The following FAM91A1 variants were observed in gnomAD, a reference collection of about 807,000 sequenced individuals.
The protein encoded by FAM91A1 is family with sequence similarity 91 member A1.
A neutral mutation model predicts 113.5 loss-of-function variants in FAM91A1; 41 were observed. The ratio of observed to expected loss-of-function variants is 0.36; its 90% CI spans 0.28 to 0.47. The LOEUF (loss-of-function observed/expected upper bound fraction) is 0.47, where lower values mean the gene tolerates loss of function less well. Ranked by LOEUF, FAM91A1 falls within the 20% of genes least tolerant of loss-of-function variation. The pLI is 1.00. For synonymous variants in FAM91A1, 307 were observed against 347.9 expected (o/e 0.88, Z 1.31); for missense variants, 696 against 1,001.2 (o/e 0.70, Z 4.11).
chr8:123,805,003 G>A (rs945376330), intron 18 of FAM91A1, among the ~76,000 whole-genome samples: 5 of 152,090 alleles, frequency 3.3e-5, no homozygotes, highest in African/African-American at 1.2e-4. Context: ...CTCTTCACTT[G>A]GCTAACACCT....
chr8:123,805,166 A>G, intron 18 of FAM91A1, 101 bp from the exon 19 acceptor site: 1 of 890,508 alleles, frequency 1.1e-6, no homozygotes. Context: ...AGGTATTAAT[A>G]TGGAATATAC....
intron 10 of FAM91A1, 66 bp from the exon 11 acceptor site, chr8:123,785,563 C>T: frequency 1.8e-6 from 2 of 1,087,302 alleles, no homozygotes; most frequent in Non-Finnish European, 1.4e-6. Flanking sequence ...ACTATTTTTT[C>T]TCTACAAATA....
At chr8:123,808,411 C>T (rs1455033528) in intron 21 of FAM91A1, 35 bp downstream of exon 21, 2 of 1,555,456 alleles carry the variant, frequency 1.3e-6, no homozygotes, top group Admixed American at 3.5e-5. Context: ...TTTTATTAGA[C>T]TAATTTCTGA....
At position 123,768,575 on chromosome 8, in the gene FAM91A1, C is replaced by G. The variant is rs574564231; in HGVS notation, c.-128C>G. The G allele has an allele frequency of 6.5e-6, 5 of 771,172 alleles. No individual in the cohort carries two copies. In the African/African-American group the frequency reaches 9.4e-5, roughly 14 times the overall value. The allele number at this position is 771,172 out of a possible 1,614,324, so 47.8% of individuals were successfully genotyped here. A position where few individuals can be genotyped will look rare whatever the true frequency, so the allele number is the denominator to read the frequency against. On this transcript the variant is annotated 5_prime_UTR_variant, in exon 1 of 24. Transcript: ENST00000334705. Reference sequence around the variant, plus strand: ...TCGGGAGCCTAGGCCATGGGGCAGCCTGGGCCTTCTGCAGTGTGAGGCGCG... The same window carrying G: ...TCGGGAGCCTAGGCCATGGGGCAGCGTGGGCCTTCTGCAGTGTGAGGCGCG...
rs1029348634 is a variant in FAM91A1 at position 123,791,735 on chromosome 8, A to C, written c.1411+1990A>C. 3.9e-5 allele frequency among the ~76,000 whole-genome samples: 6 copies of C among 152,308 alleles called. No individual in the cohort carries two copies. The East Asian group carries it at 1.2e-3, about 29-fold the overall frequency. On this transcript the variant is annotated intron_variant, in intron 15 of 23. Transcript: ENST00000334705. Reference sequence around the variant, plus strand: ...CTCAGTTTTTCTAATGATGGTGCACATTAGTACCGTTCTCAATGCATGAAA... The same window carrying C: ...CTCAGTTTTTCTAATGATGGTGCACCTTAGTACCGTTCTCAATGCATGAAA...
chr8:123,781,075 G>GT (rs942223690), intron 8 of FAM91A1, among the ~76,000 whole-genome samples: 8 of 152,106 alleles, frequency 5.3e-5, no homozygotes, highest in African/African-American at 1.7e-4. Context: ...ATTATTTCCA[G>GT]TTTTTTTGCC....
chr8:123,809,458 A>G (rs1815896688), intron 22 of FAM91A1, among the ~76,000 whole-genome samples: 2 of 152,302 alleles, frequency 1.3e-5, no homozygotes, highest in South Asian at 2.1e-4. Flanking sequence ...TTCACTTTCT[A>G]CATTTTCTAA....
chr8:123,794,516 T>TA (rs1419475907), intron 15 of FAM91A1, among the ~76,000 whole-genome samples: 2 of 152,242 alleles, frequency 1.3e-5, no homozygotes, highest in African/African-American at 2.4e-5. Context: ...GTACATATGG[T>TA]ACTACTGTAA....
intron 10 of FAM91A1, 33 bp downstream of exon 10, chr8:123,785,152 G>A (rs1485836949): frequency 2.6e-6 from 4 of 1,530,292 alleles, no homozygotes; most frequent in Non-Finnish European, 3.5e-6. Context: ...TACTGGTGAT[G>A]TGATAACTGA....
intron 6 of FAM91A1, 63 bp from the exon 7 acceptor site, chr8:123,779,922 C>A: frequency 7.4e-7 from 1 of 1,350,926 alleles, no homozygotes; most frequent in Non-Finnish European, 1.0e-6. Flanking sequence ...AAATAAATTT[C>A]AGGAGACTTG....
chr8:123,777,266 A>G lies in FAM91A1; in HGVS notation c.311A>G (p.Asp104Gly). The change falls in exon 4 of 24, where the codon GAT becomes GGT. Residue 104 changes from aspartate to glycine, a missense_variant and splice_region_variant. Transcript: ENST00000334705. ...PFSYYTGIME[D>G]IMNSEKSYDS... ...TTTAAATTTTTTTCTTTTTAAAAGG[A>G]TATTATGAACAGTGAGAAAAGTTAT... 6.2e-7 allele frequency: 1 copy of G among 1,601,138 alleles called. No individual in the cohort carries two copies. Among genetic ancestry groups the G allele is most frequent in the Non-Finnish European group, 8.5e-7 (1 of 1,173,498 alleles).
intron 4 of FAM91A1, 97 bp downstream of exon 4, chr8:123,777,419 A>G: frequency 8.9e-7 from 1 of 1,127,290 alleles, no homozygotes. Flanking sequence ...TTAACCTGAA[A>G]TATGTGAAAA....
At position 123,813,707 on chromosome 8, in the gene FAM91A1, T is replaced by G. The variant is rs1816010323; in HGVS notation, c.*1003T>G. On this transcript the variant is annotated 3_prime_UTR_variant, in exon 24 of 24. Transcript: ENST00000334705. ...AATGATAAAGAAAAATGGAATTACT[T>G]CAAAGTGTTTCTTGAGTCATTGATT... 6.6e-6 allele frequency: 1 copy of G among 152,284 alleles called. No individual in the cohort carries two copies. The highest frequency in any genetic ancestry group is 6.5e-5 in the Admixed American group (1 of 15,276). The allele number at this position is 152,284 out of a possible 1,614,324, so 9.4% of individuals were successfully genotyped here.
intron 1 of FAM91A1, among the ~76,000 whole-genome samples, chr8:123,773,282 C>T (rs1004635514): frequency 4.6e-5 from 7 of 152,146 alleles, no homozygotes; most frequent in Non-Finnish European, 8.8e-5. Context: ...GAACTAAATC[C>T]TCTGATCTTT....
rs761982236 is a variant in FAM91A1, at chr8:123,789,758, T to C, written c.1411+13T>C. 2 of 1,604,938 alleles carry C rather than the reference T, an allele frequency of 1.2e-6. No individual in the cohort carries two copies. The highest frequency in any genetic ancestry group is 1.7e-6 in the Non-Finnish European group (2 of 1,175,464). Reference sequence around the variant, plus strand: ...CAACCCAATTATGGTATGATAAATATATTTAATTTTGAAGACATGATCATA... The same window carrying C: ...CAACCCAATTATGGTATGATAAATACATTTAATTTTGAAGACATGATCATA... On this transcript the variant is annotated intron_variant, in intron 15 of 23. Transcript: ENST00000334705.
Position 123,812,694 on chromosome 8 carries a change from A to C in FAM91A1, c.2507A>C (p.His836Pro). ...TCCTCACTTCTTATTGCTAATCTCC[A>C]TTTGCAATAATTTGGTTACACCATT... is the stretch of plus-strand genomic sequence containing the variant. Reference protein sequence around the residue: ...SPSSLLIANLHLQ With the variant: ...SPSSLLIANLPLQ Residue 836 changes from histidine (H) to proline (P), a missense_variant, in exon 24 of 24, where the codon CAT (histidine) becomes CCT (proline). Physicochemically the swap from His to Pro is moderately conservative, Grantham distance 77. Coordinates refer to ENST00000334705, the MANE Select transcript of FAM91A1 (RefSeq NM_144963.4). The C allele has an allele frequency of 6.4e-7, 1 of 1,574,312 alleles. No homozygotes were observed. The highest frequency in any genetic ancestry group is 8.6e-7 in the Non-Finnish European group (1 of 1,164,480).
intron 15 of FAM91A1, among the ~76,000 whole-genome samples, chr8:123,792,342 A>T: frequency 6.6e-6 from 1 of 152,226 alleles, no homozygotes; most frequent in East Asian, 1.9e-4. Context: ...AAACTCTGTT[A>T]TACATGGAAC....
Position 123,774,161 on chromosome 8 carries a change from T to G in FAM91A1, c.154T>G (p.Leu52Val). 17 of 1,606,436 alleles carry G rather than the reference T, an allele frequency of 1.1e-5. No homozygotes were observed. Among genetic ancestry groups the G allele is most frequent in the Non-Finnish European group, 1.4e-5 (17 of 1,177,170 alleles). ...CAATCAGTTACGATATAGAAATAAC[T>G]TAGGTAAGTAGAGCCATGTTTATAT... ...IRNQLRYRNN[L>V]VKHVKKDERR... is the part of the protein sequence containing the mutation. Residue 52 changes from leucine to valine, a missense_variant, in exon 2 of 24, where the codon TTA (leucine) becomes GTA (valine). Leu to Val is a conservative substitution (Grantham distance 32). Transcript: ENST00000334705.
rs141429611 is a variant in FAM91A1 at position 123,784,985 on chromosome 8, A to G, written c.811-96A>G. 7.5e-5 allele frequency: 65 copies of G among 861,020 alleles called. No homozygotes were observed. The African/African-American group carries it at 1.0e-3, about 14-fold the overall frequency. The allele number at this position is 861,020 out of a possible 1,614,324, so 53.3% of individuals were successfully genotyped here. A position where few individuals can be genotyped will look rare whatever the true frequency, so the allele number is the denominator to read the frequency against. ...CAGTCTTCTAATTATTCATAACTTA[A>G]AATTTTGCTGATTATGATTATATTG... is the stretch of plus-strand genomic sequence containing the variant. On this transcript the variant is annotated intron_variant, in intron 9 of 23. Transcript: ENST00000334705.
Sources: gnomAD v4.1 joint callset for allele counts (sites outside exome capture counted in the v4.1 genomes callset) on GRCh38, gnomAD v4.1.1 for gene constraint, MANE v1.5 for transcripts, NCBI Gene and HGNC (gene_info 2026-07-23, HGNC 2026-07-21) for gene names.